The following FIG4 variants were observed in gnomAD, a reference collection of about 807,000 sequenced individuals.
FIG4 encodes the protein polyphosphoinositide phosphatase.
Under a neutral mutation model 118.6 loss-of-function variants are expected in FIG4, and 112 were observed. The ratio of observed to expected loss-of-function variants is 0.94; its 90% CI spans 0.81 to 1.11. The LOEUF is 1.11. Ranked by LOEUF, FIG4 falls within the 50% of genes least tolerant of loss-of-function variation. The probability of loss-of-function intolerance (pLI) is 0.00; values close to 1 mark genes in which losing one functional copy is unlikely to be tolerated. For missense variants in FIG4, 969 were observed against 1,111.7 expected (o/e 0.87, Z 1.83); for synonymous variants, 369 against 381.2 (o/e 0.97, Z 0.37).
At chr6:109,795,039 T>G (rs939098952) in intron 21 of FIG4, among the ~76,000 whole-genome samples, 1 of 151,736 alleles carries the variant, frequency 6.6e-6, no homozygotes, top group African/African-American at 2.4e-5. Context: ...TGGTTTGCTA[T>G]TTTACCAGAC....
At chr6:109,769,160 T>G (rs1218816841) in intron 15 of FIG4, among the ~76,000 whole-genome samples, 2 of 151,240 alleles carry the variant, frequency 1.3e-5, no homozygotes, top group African/African-American at 4.9e-5. Flanking sequence ...TGGAGTGCAG[T>G]GGCTCAAACT....
chr6:109,717,976 A>T (rs1218460104), intron 3 of FIG4, among the ~76,000 whole-genome samples: 1 of 152,198 alleles, frequency 6.6e-6, no homozygotes, highest in Non-Finnish European at 1.5e-5. Context: ...ATAAAGAAAT[A>T]CCTGAGACTG....
chr6:109,735,021 G>A (rs770035710), intron 5 of FIG4, 129 bp from the exon 6 acceptor site: 5 of 784,204 alleles, frequency 6.4e-6, no homozygotes, highest in South Asian at 1.5e-5. Context: ...TATTTGAATA[G>A]CATTGCTTCC....
intron 15 of FIG4, among the ~76,000 whole-genome samples, chr6:109,775,134 C>T (rs1777582774): frequency 6.6e-6 from 1 of 152,080 alleles, no homozygotes; most frequent in Admixed American, 6.6e-5. Context: ...TCATTTCGCC[C>T]TCTTGTTATC....
At chr6:109,739,201 G>A (rs889374100) in intron 7 of FIG4, among the ~76,000 whole-genome samples, 3 of 151,816 alleles carry the variant, frequency 2.0e-5, no homozygotes, top group Admixed American at 6.6e-5. Flanking sequence ...TTAAAGAGAA[G>A]TAGGTTCAGC....
At chr6:109,739,924 G>A (rs1209393163) in intron 7 of FIG4, among the ~76,000 whole-genome samples, 3 of 152,090 alleles carry the variant, frequency 2.0e-5, no homozygotes, top group Admixed American at 6.6e-5. Flanking sequence ...TGAGGGGGAC[G>A]AAAGGCTAGA....
At chr6:109,754,132 G>T (rs1456335020) in intron 10 of FIG4, among the ~76,000 whole-genome samples, 2 of 152,136 alleles carry the variant, frequency 1.3e-5, no homozygotes, top group Non-Finnish European at 2.9e-5. Context: ...CTAATTTATT[G>T]AGAGTTTTTA....
chr6:109,730,120 C>T (rs971489769), intron 4 of FIG4, among the ~76,000 whole-genome samples: 2 of 151,966 alleles, frequency 1.3e-5, no homozygotes, highest in Admixed American at 1.3e-4. Context: ...GCAATCTTGG[C>T]TCACTGCAGC....
At chr6:109,768,480 A>G (rs1267203031) in intron 15 of FIG4, among the ~76,000 whole-genome samples, 1 of 152,176 alleles carries the variant, frequency 6.6e-6, no homozygotes, top group Non-Finnish European at 1.5e-5. Context: ...TAGCAGCTTA[A>G]AACAGTACAC....
chr6:109,818,995 C>T (rs1465331735), intron 22 of FIG4, among the ~76,000 whole-genome samples: 1 of 152,184 alleles, frequency 6.6e-6, no homozygotes, highest in African/African-American at 2.4e-5. Flanking sequence ...TGCCCTTTAG[C>T]TTCCCAGTTA....
At chr6:109,716,675 T>C (rs1368164726) in intron 3 of FIG4, 107 bp downstream of exon 3, 1 of 1,304,874 alleles carries the variant, frequency 7.7e-7, no homozygotes, top group African/African-American at 1.5e-5. Context: ...AAAATTATAA[T>C]TACCTGTAGC....
At position 109,691,308 on chromosome 6, in the gene FIG4, G is replaced by C. The variant is rs1181758946; in HGVS notation, c.-128G>C. 1 of 777,702 alleles carries C rather than the reference G, an allele frequency of 1.3e-6. No homozygotes were observed. Among genetic ancestry groups the C allele is most frequent in the Non-Finnish European group, 2.2e-6 (1 of 445,778 alleles). The allele number at this position is 777,702 out of a possible 1,614,324, so 48.2% of individuals were successfully genotyped here. A position where few individuals can be genotyped will look rare whatever the true frequency, so the allele number is the denominator to read the frequency against. The stretch of plus-strand genomic sequence containing the variant: ...TCCGGAAACACCTGATCATCTATAG[G>C]TTTAGTGCCTAATGGGTGTTGTTCC... On this transcript the variant is annotated 5_prime_UTR_variant, in exon 1 of 23. Transcript: ENST00000230124.
chr6:109,699,492 T>C (rs1302058022), intron 1 of FIG4, among the ~76,000 whole-genome samples: 1 of 151,376 alleles, frequency 6.6e-6, no homozygotes, highest in African/African-American at 2.4e-5. Context: ...CGGTTTTTTT[T>C]TGTTTGTTTT....
At chr6:109,812,195 C>A (rs1778737634) in intron 22 of FIG4, among the ~76,000 whole-genome samples, 1 of 152,088 alleles carries the variant, frequency 6.6e-6, no homozygotes, top group African/African-American at 2.4e-5. Context: ...CTGAGGCCTC[C>A]CTAGCCATGC....
intron 22 of FIG4, among the ~76,000 whole-genome samples, chr6:109,797,878 A>G: frequency 6.7e-6 from 1 of 148,172 alleles, no homozygotes; most frequent in East Asian, 2.0e-4. Flanking sequence ...CTTGGGTGAC[A>G]GAGTGAGACT....
chr6:109,816,227 C>T (rs917793442), intron 22 of FIG4, among the ~76,000 whole-genome samples: 2 of 152,142 alleles, frequency 1.3e-5, no homozygotes, highest in African/African-American at 2.4e-5. Context: ...TGACTTCATC[C>T]GTCTGCAACC....
At chr6:109,723,126 G>T (rs1470235516) in intron 3 of FIG4, among the ~76,000 whole-genome samples, 1 of 152,136 alleles carries the variant, frequency 6.6e-6, no homozygotes, top group Non-Finnish European at 1.5e-5. Flanking sequence ...TGCCCTTAGG[G>T]CAGTTTCCAG....
At chr6:109,698,750 A>G (rs1774811967) in intron 1 of FIG4, among the ~76,000 whole-genome samples, 1 of 152,234 alleles carries the variant, frequency 6.6e-6, no homozygotes, top group African/African-American at 2.4e-5. Flanking sequence ...ACATCTGCAC[A>G]TGACATTTTC....
intron 3 of FIG4, among the ~76,000 whole-genome samples, chr6:109,724,122 GGA>G (rs1775704462): frequency 6.6e-6 from 1 of 152,024 alleles, no homozygotes; most frequent in African/African-American, 2.4e-5. Flanking sequence ...GGGGGTGGGA[GGA>G]GGTTCCACGA....
Sources: gnomAD v4.1 joint callset for allele counts (sites outside exome capture counted in the v4.1 genomes callset) on GRCh38, gnomAD v4.1.1 for gene constraint, MANE v1.5 for transcripts, NCBI Gene and HGNC (gene_info 2026-07-23, HGNC 2026-07-21) for gene names.